Variants in CMSS1 observed in about 807,000 individuals in gnomAD.
CMSS1 encodes cms1 ribosomal small subunit homolog.
A neutral mutation model predicts 43.5 loss-of-function variants in CMSS1; 33 were observed. The ratio of observed to expected loss-of-function variants is 0.76; its 90% CI spans 0.57 to 1.01. CMSS1 has a LOEUF of 1.01. Among genes scored for constraint, CMSS1 ranks in the 50% least tolerant of loss-of-function variants. The pLI is 0.00. For synonymous variants in CMSS1, 115 were observed against 117.2 expected (o/e 0.98, Z 0.12); for missense variants, 313 against 326.4 (o/e 0.96, Z 0.32).
intron 1 of CMSS1, among the ~76,000 whole-genome samples, chr3:100,126,384 A>G (rs1037358205): frequency 6.6e-6 from 1 of 152,210 alleles, no homozygotes; most frequent in African/African-American, 2.4e-5. Context: ...AAATAGTTGT[A>G]CTTCTCTTGA....
intron 1 of CMSS1, among the ~76,000 whole-genome samples, chr3:99,937,834 C>T (rs746646209): frequency 6.6e-6 from 1 of 152,158 alleles, no homozygotes; most frequent in Non-Finnish European, 1.5e-5. Flanking sequence ...GTGTATAGAC[C>T]TCTTACCACA....
chr3:99,825,775 C>CTTTTTTTTTTTT (rs897686337), intron 1 of CMSS1, among the ~76,000 whole-genome samples: 4 of 121,608 alleles, frequency 3.3e-5, no homozygotes, highest in Non-Finnish European at 5.2e-5. Context: ...TTTTCTTTTT[C>CTTTTTTTTTTTT]TTTTTTTTTT....
chr3:99,889,707 T>C (rs1706023775), intron 1 of CMSS1, among the ~76,000 whole-genome samples: 1 of 152,062 alleles, frequency 6.6e-6, no homozygotes, highest in South Asian at 2.1e-4. Flanking sequence ...TAATACATAC[T>C]GTATTCCTAT....
At chr3:99,924,111 A>G (rs1707211098) in intron 1 of CMSS1, 2 of 832,490 alleles carry the variant, frequency 2.4e-6, no homozygotes, top group African/African-American at 3.4e-5. Context: ...CTCACCCTGG[A>G]CTATGAGATC....
intron 1 of CMSS1, among the ~76,000 whole-genome samples, chr3:100,014,910 T>C (rs1710292939): frequency 6.9e-6 from 1 of 144,098 alleles, no homozygotes; most frequent in Non-Finnish European, 1.5e-5. Context: ...TTTTTTTTTT[T>C]TTTTTTTTGC....
intron 1 of CMSS1, among the ~76,000 whole-genome samples, chr3:99,831,690 G>A (rs1942673946): frequency 6.6e-6 from 1 of 152,166 alleles, no homozygotes; most frequent in South Asian, 2.1e-4. Flanking sequence ...CCAATTTAGT[G>A]TTCAAAAATC....
At chr3:99,889,545 T>C (rs1706018576) in intron 1 of CMSS1, among the ~76,000 whole-genome samples, 1 of 152,108 alleles carries the variant, frequency 6.6e-6, no homozygotes, top group Admixed American at 6.5e-5. Context: ...ACAATTTTTA[T>C]CTTTTAGCAG....
chr3:99,854,576 G>A (rs909656053), intron 1 of CMSS1, among the ~76,000 whole-genome samples: 1 of 151,996 alleles, frequency 6.6e-6, no homozygotes, highest in African/African-American at 2.4e-5. Context: ...TGATATTTGG[G>A]GCCAGATAAT....
chr3:99,939,119 T>G (rs914713586), intron 1 of CMSS1, among the ~76,000 whole-genome samples: 6 of 152,212 alleles, frequency 3.9e-5, no homozygotes, highest in African/African-American at 1.4e-4. Flanking sequence ...TTCTAAGTCC[T>G]AAGAGAAAGT....
chr3:99,990,516 T>C (rs1263790069), intron 1 of CMSS1, among the ~76,000 whole-genome samples: 1 of 152,216 alleles, frequency 6.6e-6, no homozygotes, highest in African/African-American at 2.4e-5. Context: ...GTGTATTAAA[T>C]GAATATCTAT....
chr3:100,138,841 G>T (rs1289742226), intron 1 of CMSS1, among the ~76,000 whole-genome samples: 1 of 152,066 alleles, frequency 6.6e-6, no homozygotes, highest in African/African-American at 2.4e-5. Context: ...CCCATCACTG[G>T]ATATCTACCC....
In CMSS1 at chr3:99,983,394, AT is replaced by A. The variant is rs1709193935; in HGVS notation, c.65-163578del. ...ACTTAAAAAATAAATAAATAAATAT[AT>A]ATATATATATATATATATATATATG... is the stretch of plus-strand genomic sequence containing the variant. On this transcript the variant is annotated intron_variant, in intron 1 of 9. Coordinates refer to ENST00000421999, the MANE Select transcript of CMSS1 (RefSeq NM_032359.4). 1.7e-3 allele frequency among the ~76,000 whole-genome samples: 141 copies of A among 84,856 alleles called. 1 individual carries two copies. The highest frequency in any genetic ancestry group is 5.4e-3 in the Admixed American group (40 of 7,402). 55.7% of individuals were successfully genotyped at this position (84,856 alleles called of 152,430 possible).
intron 1 of CMSS1, among the ~76,000 whole-genome samples, chr3:99,958,246 A>ATT (rs1708395051): frequency 7.5e-6 from 1 of 133,360 alleles, no homozygotes; most frequent in African/African-American, 3.0e-5. Flanking sequence ...TATTATTATT[A>ATT]TTATTTGAAG....
chr3:100,144,592 C>G (rs1057112893), intron 1 of CMSS1, among the ~76,000 whole-genome samples: 1 of 152,126 alleles, frequency 6.6e-6, no homozygotes, highest in Non-Finnish European at 1.5e-5. Flanking sequence ...TACACCCTGT[C>G]AAGGGTGGAA....
At chr3:99,997,555 C>T (rs1325212390) in intron 1 of CMSS1, among the ~76,000 whole-genome samples, 1 of 152,088 alleles carries the variant, frequency 6.6e-6, no homozygotes, top group African/African-American at 2.4e-5. Context: ...TTTGCCAGAG[C>T]CTGACTCACC....
At chr3:99,911,839 G>T (rs536371072) in intron 1 of CMSS1, among the ~76,000 whole-genome samples, 1 of 151,774 alleles carries the variant, frequency 6.6e-6, no homozygotes, top group Non-Finnish European at 1.5e-5. Context: ...TTTTTTCCTA[G>T]TTCCTAGTTC....
At chr3:99,989,661 C>T (rs1709453042) in intron 1 of CMSS1, among the ~76,000 whole-genome samples, 1 of 93,774 alleles carries the variant, frequency 1.1e-5, no homozygotes, top group African/African-American at 4.3e-5. Context: ...TTAGTATCTT[C>T]CTCTATATAT....
intron 1 of CMSS1, among the ~76,000 whole-genome samples, chr3:100,115,575 GTCTCTCTCTCTC>G (rs66793218): frequency 0.028 from 2,741 of 97,966 alleles, 33 homozygotes; most frequent in Middle Eastern, 0.044. Context: ...CTCTCTCTCT[GTCTCTCTCTCTC>G]TCTCTCTCTC....
chr3:100,107,050 A>T (rs1347254022), intron 1 of CMSS1, among the ~76,000 whole-genome samples: 3 of 152,144 alleles, frequency 2.0e-5, no homozygotes, highest in Non-Finnish European at 2.9e-5. Context: ...CAGCCAAGAG[A>T]TATAAATTTG....
Sources: gnomAD v4.1 joint callset for allele counts (sites outside exome capture counted in the v4.1 genomes callset) on GRCh38, gnomAD v4.1.1 for gene constraint, MANE v1.5 for transcripts, NCBI Gene and HGNC (gene_info 2026-07-23, HGNC 2026-07-21) for gene names.